Variants in NRF1 observed in about 807,000 individuals in gnomAD.
NRF1 encodes nuclear respiratory factor 1.
NRF1 carries 5 observed loss-of-function variants against 58.5 expected under a neutral mutation model. That is an observed-to-expected ratio of 0.09 (90% CI 0.04 to 0.18). NRF1 has a LOEUF of 0.18. Among genes scored for constraint, NRF1 ranks in the 10% least tolerant of loss-of-function variants. The probability of loss-of-function intolerance (pLI) is 1.00; values close to 1 mark genes in which losing one functional copy is unlikely to be tolerated. For synonymous variants in NRF1, 224 were observed against 246.7 expected (o/e 0.91, Z 0.86); for missense variants, 288 against 657.7 (o/e 0.44, Z 6.15).
intron 5 of NRF1, among the ~76,000 whole-genome samples, chr7:129,691,946 T>G (rs1307137126): frequency 6.6e-6 from 1 of 152,076 alleles, no homozygotes; most frequent in East Asian, 1.9e-4. Flanking sequence ...AAACAGAACC[T>G]TTGGTTGTTC....
chr7:129,625,295 C>G (rs1430677183), intron 1 of NRF1, among the ~76,000 whole-genome samples: 1 of 152,142 alleles, frequency 6.6e-6, no homozygotes, highest in African/African-American at 2.4e-5. Flanking sequence ...AGTTACATCT[C>G]TAAGGACGCT....
intron 1 of NRF1, among the ~76,000 whole-genome samples, chr7:129,651,879 C>G (rs1301902185): frequency 6.6e-6 from 1 of 152,108 alleles, no homozygotes; most frequent in African/African-American, 2.4e-5. Flanking sequence ...GGTAGCTTAT[C>G]AGGTAGCTTA....
intron 2 of NRF1, among the ~76,000 whole-genome samples, chr7:129,663,615 T>C (rs1414643568): frequency 3.2e-4 from 32 of 101,424 alleles, no homozygotes; most frequent in African/African-American, 6.4e-4. Context: ...GGGTGGCGGC[T>C]GGGCAGAGGC....
chr7:129,717,089 A>G, intron 8 of NRF1, 130 bp from the exon 9 acceptor site: 1 of 822,980 alleles, frequency 1.2e-6, no homozygotes, highest in Non-Finnish European at 1.9e-6. Context: ...TCTGTTCTGT[A>G]TATTGCAGGT....
At chr7:129,716,848 C>A in intron 8 of NRF1, among the ~76,000 whole-genome samples, 1 of 144,488 alleles carries the variant, frequency 6.9e-6, no homozygotes, top group Non-Finnish European at 1.5e-5. Context: ...CCGGCTTGGG[C>A]GACAGAGGGA....
chr7:129,635,829 CT>C (rs1298319159), intron 1 of NRF1, among the ~76,000 whole-genome samples: 5 of 152,094 alleles, frequency 3.3e-5, no homozygotes, highest in Admixed American at 6.5e-5. Flanking sequence ...GAAAAATGAT[CT>C]GTTGACCAGA....
chr7:129,656,797 G>A (rs988021952), intron 1 of NRF1, among the ~76,000 whole-genome samples: 4 of 151,494 alleles, frequency 2.6e-5, no homozygotes, highest in African/African-American at 9.7e-5. Flanking sequence ...GGCTGGTCTC[G>A]AACTCCTGAC....
chr7:129,703,821 A>T (rs1348201004), intron 5 of NRF1, among the ~76,000 whole-genome samples: 4 of 152,128 alleles, frequency 2.6e-5, no homozygotes, highest in African/African-American at 2.4e-5. Context: ...TTTTGACTTG[A>T]TGAGGTTTCT....
intron 5 of NRF1, among the ~76,000 whole-genome samples, chr7:129,697,901 A>G (rs1353712958): frequency 6.6e-6 from 1 of 151,812 alleles, no homozygotes; most frequent in Non-Finnish European, 1.5e-5. Context: ...CGCTAGGTTA[A>G]TTTTTTGTAT....
At chr7:129,747,286 CT>C (rs1342842843) in intron 10 of NRF1, among the ~76,000 whole-genome samples, 1 of 152,226 alleles carries the variant, frequency 6.6e-6, no homozygotes, top group African/African-American at 2.4e-5. Context: ...AGTGCCAGTT[CT>C]GACCATCACT....
At chr7:129,676,135 A>T (rs946055321) in intron 3 of NRF1, among the ~76,000 whole-genome samples, 1 of 152,346 alleles carries the variant, frequency 6.6e-6, no homozygotes, top group East Asian at 1.9e-4. Context: ...GCTTTGGCCT[A>T]TGAGAATGTT....
intron 9 of NRF1, 63 bp from the exon 10 acceptor site, chr7:129,727,178 T>A: frequency 6.7e-7 from 1 of 1,485,022 alleles, no homozygotes; most frequent in Non-Finnish European, 8.9e-7. Flanking sequence ...GAAAGGATGG[T>A]TTGTCTTGGC....
intron 1 of NRF1, among the ~76,000 whole-genome samples, chr7:129,647,465 C>T (rs911783869): frequency 3.4e-5 from 5 of 145,094 alleles, no homozygotes; most frequent in African/African-American, 5.2e-5. Context: ...TGCAGTGGTG[C>T]GATCTTTGCT....
Position 129,755,663 on chromosome 7 carries a change from C to A in NRF1, c.*482C>A, listed in dbSNP as rs1276743769. The A allele has an allele frequency of 2.6e-5, 4 of 152,534 alleles. No individual in the cohort carries two copies. Among genetic ancestry groups the A allele is most frequent in the African/African-American group, 9.7e-5 (4 of 41,420 alleles). The allele number at this position is 152,534 out of a possible 1,614,324, so 9.4% of individuals were successfully genotyped here. A position where few individuals can be genotyped will look rare whatever the true frequency, so the allele number is the denominator to read the frequency against. On this transcript the variant is annotated 3_prime_UTR_variant, in exon 11 of 11. Transcript: ENST00000393232. The surrounding 1 kb of genome is among the most constrained non-coding windows in gnomAD (Gnocchi z 5.8). ...GGGTGGTAGGGTACGTGGCCAGACA[C>A]AGTCACCCAGTTTTTGTTCATACCA...
At chr7:129,686,119 A>G (rs2151090650) in intron 4 of NRF1, among the ~76,000 whole-genome samples, 1 of 151,882 alleles carries the variant, frequency 6.6e-6, no homozygotes, top group South Asian at 2.1e-4. Context: ...AAAAAAAAAA[A>G]AAGGTCTTTA....
chr7:129,668,640 G>A (rs895913476), intron 2 of NRF1, among the ~76,000 whole-genome samples: 1 of 152,092 alleles, frequency 6.6e-6, no homozygotes, highest in Non-Finnish European at 1.5e-5. Flanking sequence ...CCAAACAATG[G>A]AATATTACTT....
intron 3 of NRF1, among the ~76,000 whole-genome samples, chr7:129,672,492 C>T (rs984060447): frequency 6.6e-6 from 1 of 151,964 alleles, no homozygotes; most frequent in Non-Finnish European, 1.5e-5. Context: ...TGTGGGGATA[C>T]AAGAATGGAA....
chr7:129,748,003 C>T (rs1181931023), intron 10 of NRF1, among the ~76,000 whole-genome samples: 2 of 152,022 alleles, frequency 1.3e-5, no homozygotes, highest in South Asian at 2.1e-4. Flanking sequence ...CGGCCGGGCG[C>T]GGTGGCTCAT....
chr7:129,715,329 G>C (rs1186027863), intron 8 of NRF1, among the ~76,000 whole-genome samples: 1 of 152,128 alleles, frequency 6.6e-6, no homozygotes, highest in Non-Finnish European at 1.5e-5. Flanking sequence ...AAGGATACCT[G>C]GGCCAAAATG....
Sources: allele counts gnomAD v4.1 joint callset (sites outside exome capture counted in the v4.1 genomes callset), GRCh38; gene constraint gnomAD v4.1.1; non-coding constraint Gnocchi (gnomAD v3.1); transcripts MANE v1.5; gene names NCBI Gene and HGNC (gene_info 2026-07-23, HGNC 2026-07-21).